Variants in TTLL11 observed in about 807,000 individuals in gnomAD.
TTLL11 encodes tubulin tyrosine ligase like 11.
Under a neutral mutation model 51.7 loss-of-function variants are expected in TTLL11, and 42 were observed. The observed-to-expected ratio is 0.81, with a 90% CI of 0.64 to 1.05. The LOEUF (loss-of-function observed/expected upper bound fraction) is 1.05. Among genes scored for constraint, TTLL11 ranks in the 50% least tolerant of loss-of-function variants. The pLI is 0.00. For missense variants in TTLL11, 799 were observed against 940.4 expected (o/e 0.85, Z 1.97); for synonymous variants, 381 against 383.5 (o/e 0.99, Z 0.08).
At chr9:121,880,963 TTC>T (rs1393955999) in intron 6 of TTLL11, among the ~76,000 whole-genome samples, 1 of 152,236 alleles carries the variant, frequency 6.6e-6, no homozygotes, top group Non-Finnish European at 1.5e-5. Context: ...ACCCCTCTAC[TTC>T]TGGTTGCCAG....
chr9:121,989,372 G>T lies in TTLL11; in HGVS notation c.1092C>A (p.Ser364Arg). Reference sequence around the variant, plus strand: ...AAAGGATGCTGGAAAAAGTCCTTTTGCTGCCAGTGCTAGCACTGTCCGAGT... The same window carrying T: ...AAAGGATGCTGGAAAAAGTCCTTTTTCTGCCAGTGCTAGCACTGTCCGAGT... ...FIHSDSASTG[S>R]KRTFSSILCR... The change falls in exon 4 of 9, where the codon AGC becomes AGA. Residue 364 changes from serine (S) to arginine (R), a missense_variant. This residue lies in a region of TTLL11 where 468 missense variants were observed against 612.8 expected (regional missense o/e 0.76). Transcript: ENST00000321582. This position sits in a 1 kb window ranked among gnomAD's most constrained non-coding sequence, Gnocchi z 4.2. The T allele has an allele frequency of 6.2e-7, 1 of 1,614,164 alleles. No individual in the cohort carries two copies. Among genetic ancestry groups the T allele is most frequent in the Non-Finnish European group, 8.5e-7 (1 of 1,180,026 alleles).
chr9:121,882,584 G>A (rs1838840236), intron 6 of TTLL11, among the ~76,000 whole-genome samples: 3 of 152,118 alleles, frequency 2.0e-5, no homozygotes, highest in Non-Finnish European at 4.4e-5. Context: ...AGGACCCTTA[G>A]TAGTAGGTGG....
intron 6 of TTLL11, among the ~76,000 whole-genome samples, chr9:121,956,028 T>C (rs947429730): frequency 1.3e-5 from 2 of 152,230 alleles, no homozygotes; most frequent in African/African-American, 2.4e-5. Context: ...CCTGATATGT[T>C]TACTGATCAT....
chr9:121,929,860 C>A (rs1387812227), intron 6 of TTLL11, among the ~76,000 whole-genome samples: 1 of 152,234 alleles, frequency 6.6e-6, no homozygotes, highest in African/African-American at 2.4e-5. Flanking sequence ...GACAGTTCCT[C>A]TTAGCAACAA....
At chr9:122,003,679 G>T (rs947041660) in intron 3 of TTLL11, among the ~76,000 whole-genome samples, 1 of 150,436 alleles carries the variant, frequency 6.6e-6, no homozygotes, top group Non-Finnish European at 1.5e-5. Flanking sequence ...TAGAGACAGG[G>T]TTTCTCTATG....
chr9:121,865,778 AT>A (rs1440539121), intron 7 of TTLL11, among the ~76,000 whole-genome samples: 5 of 152,266 alleles, frequency 3.3e-5, no homozygotes, highest in Admixed American at 1.3e-4. Context: ...CACTACTATT[AT>A]GTGCCTCCTG....
chr9:121,895,180 T>A (rs567897563), intron 6 of TTLL11, among the ~76,000 whole-genome samples: 1 of 152,340 alleles, frequency 6.6e-6, no homozygotes, highest in South Asian at 2.1e-4. Flanking sequence ...TTCAGAATCC[T>A]TCTCTCTTTC....
intron 6 of TTLL11, among the ~76,000 whole-genome samples, chr9:121,925,609 C>T (rs568323306): frequency 1.4e-4 from 22 of 152,314 alleles, no homozygotes; most frequent in African/African-American, 5.3e-4. Flanking sequence ...TCCAGACCCT[C>T]CCAGGAAGGG....
At chr9:121,934,101 T>C (rs1400095727) in intron 6 of TTLL11, among the ~76,000 whole-genome samples, 1 of 152,062 alleles carries the variant, frequency 6.6e-6, no homozygotes, top group Non-Finnish European at 1.5e-5. Context: ...TGGTGTCACA[T>C]GCCTACATGT....
rs929658972 is a variant in TTLL11 at position 122,009,106 on chromosome 9, T to C, written c.694-19336A>G. 3.3e-5 allele frequency among the ~76,000 whole-genome samples: 5 copies of C among 152,196 alleles called. No homozygotes were observed. In the East Asian group the frequency reaches 9.6e-4, roughly 29 times the overall value. On this transcript the variant is annotated intron_variant, in intron 3 of 8. Transcript: ENST00000321582. ...TAGAGGAATAAGTTCAAGAGATCTA[T>C]TGTACAACATGGTGAGTATAGTTAA...
chr9:122,030,711 CAGG>C (rs1844510601), intron 3 of TTLL11, among the ~76,000 whole-genome samples: 1 of 145,640 alleles, frequency 6.9e-6, no homozygotes, highest in African/African-American at 2.6e-5. Context: ...CACTTGAGGT[CAGG>C]AGATCGAGAC....
intron 6 of TTLL11, among the ~76,000 whole-genome samples, chr9:121,959,713 C>A (rs185355657): frequency 9.2e-5 from 14 of 152,202 alleles, no homozygotes; most frequent in Admixed American, 9.2e-4. Context: ...CATGCTGCAG[C>A]CAAAGTGATG....
chr9:122,009,562 T>C (rs1843742152), intron 3 of TTLL11, among the ~76,000 whole-genome samples: 1 of 151,712 alleles, frequency 6.6e-6, no homozygotes, highest in Admixed American at 6.6e-5. Flanking sequence ...TATACCATAA[T>C]GTGTACATAA....
At chr9:122,027,643 A>G (rs1844388820) in intron 3 of TTLL11, among the ~76,000 whole-genome samples, 1 of 152,248 alleles carries the variant, frequency 6.6e-6, no homozygotes, top group African/African-American at 2.4e-5. Flanking sequence ...TTTTTTGTTG[A>G]GTTTTAAATT....
chr9:122,003,220 A>G (rs1341325574), intron 3 of TTLL11, among the ~76,000 whole-genome samples: 4 of 151,900 alleles, frequency 2.6e-5, no homozygotes, highest in African/African-American at 4.8e-5. Context: ...TGATCATAAA[A>G]CCTCTCCGGT....
At chr9:121,873,639 CCTCTCTTCTTCT>C (rs752823011) in intron 6 of TTLL11, among the ~76,000 whole-genome samples, 46 of 48,866 alleles carry the variant, frequency 9.4e-4, no homozygotes, top group East Asian at 5.8e-3. Context: ...TCCTCCTCCT[CCTCTCTTCTTCT>C]TCTTCTTCTT....
At chr9:121,915,963 T>C (rs887793071) in intron 6 of TTLL11, among the ~76,000 whole-genome samples, 2 of 144,634 alleles carry the variant, frequency 1.4e-5, no homozygotes. Flanking sequence ...GAAGAAATAT[T>C]GGCATGTATA....
intron 1 of TTLL11, among the ~76,000 whole-genome samples, chr9:122,084,647 T>C (rs1250279258): frequency 2.0e-5 from 3 of 152,336 alleles, no homozygotes; most frequent in East Asian, 1.9e-4. Flanking sequence ...TAAGATGTCA[T>C]AGAGATTCAC....
intron 6 of TTLL11, among the ~76,000 whole-genome samples, chr9:121,927,996 C>T (rs1386651442): frequency 6.6e-6 from 1 of 152,172 alleles, no homozygotes; most frequent in Non-Finnish European, 1.5e-5. Flanking sequence ...ATGCTATTCC[C>T]AACCCTGAGA....
Sources: gnomAD v4.1 joint callset for allele counts (sites outside exome capture counted in the v4.1 genomes callset) on GRCh38, gnomAD v4.1.1 for gene constraint, gnomAD v4.1.1 regional missense constraint, Gnocchi (gnomAD v3.1) non-coding constraint, MANE v1.5 for transcripts, NCBI Gene and HGNC (gene_info 2026-07-23, HGNC 2026-07-21) for gene names.